Variants in RAC1 observed in about 807,000 individuals in gnomAD.
RAC1 encodes the protein ras-related C3 botulinum toxin substrate 1.
RAC1 carries 2 observed loss-of-function variants against 25.2 expected under a neutral mutation model. The observed-to-expected ratio is 0.08, with a 90% CI of 0.03 to 0.25. RAC1 has a LOEUF of 0.25. RAC1 is among the 10% of genes least tolerant of loss of function. The pLI, the probability that RAC1 is intolerant of heterozygous loss-of-function variation, is 1.00. For synonymous variants in RAC1, 88 were observed against 94.0 expected (o/e 0.94, Z 0.37); for missense variants, 50 against 235.7 (o/e 0.21, Z 5.16).
chr7:6,382,959 G>A (rs563700172), intron 1 of RAC1, among the ~76,000 whole-genome samples: 1 of 152,196 alleles, frequency 6.6e-6, no homozygotes, highest in Non-Finnish European at 1.5e-5. Flanking sequence ...GGACAGGGCA[G>A]GGGAAGCACA....
chr7:6,378,479 G>A (rs956668662), intron 1 of RAC1, among the ~76,000 whole-genome samples: 1 of 152,060 alleles, frequency 6.6e-6, no homozygotes, highest in Non-Finnish European at 1.5e-5. Context: ...CCGGAAGGCG[G>A]AAGTTGCAGT....
chr7:6,391,113 G>T (rs559949096), intron 2 of RAC1, among the ~76,000 whole-genome samples: 1 of 152,114 alleles, frequency 6.6e-6, no homozygotes, highest in Non-Finnish European at 1.5e-5. Flanking sequence ...GGCCAGGCTG[G>T]TCTCGAACTC....
intron 3 of RAC1, 88 bp from the exon 4 acceptor site, chr7:6,400,038 A>G (rs1783352642): frequency 1.7e-6 from 2 of 1,182,586 alleles, no homozygotes; most frequent in Non-Finnish European, 2.5e-6. Flanking sequence ...GCGTCCAACA[A>G]GTCCTTCCCA....
intron 3 of RAC1, chr7:6,399,821 T>A: frequency 2.8e-6 from 1 of 353,526 alleles, no homozygotes; most frequent in Non-Finnish European, 5.1e-6. Flanking sequence ...TTTTTCATTT[T>A]AGATAGTTAG....
At chr7:6,394,512 G>A (rs1207201579) in intron 3 of RAC1, among the ~76,000 whole-genome samples, 1 of 152,072 alleles carries the variant, frequency 6.6e-6, no homozygotes, top group Non-Finnish European at 1.5e-5. Context: ...GTGAGTGGGA[G>A]CCTAAGTGAC....
At chr7:6,376,595 G>T (rs1223059071) in intron 1 of RAC1, among the ~76,000 whole-genome samples, 1 of 147,778 alleles carries the variant, frequency 6.8e-6, no homozygotes, top group Non-Finnish European at 1.5e-5. Context: ...TCTGCCTCCC[G>T]GGTTCAAGCG....
chr7:6,384,856 C>G (rs1463636383), intron 1 of RAC1, among the ~76,000 whole-genome samples: 1 of 152,118 alleles, frequency 6.6e-6, no homozygotes, highest in Non-Finnish European at 1.5e-5. Flanking sequence ...AGACTGGATG[C>G]ACTGGTGCAA....
chr7:6,402,233 C>G, intron 5 of RAC1, 83 bp from the exon 6 acceptor site: 1 of 1,521,582 alleles, frequency 6.6e-7, no homozygotes, highest in East Asian at 2.3e-5. Context: ...GCGCCCGGGC[C>G]CCAGGAGCTG....
chr7:6,379,426 C>T (rs1296454024), intron 1 of RAC1, among the ~76,000 whole-genome samples: 9 of 151,992 alleles, frequency 5.9e-5, no homozygotes, highest in African/African-American at 2.2e-4. Context: ...AGTCACGCTC[C>T]ACCACACTGA....
chr7:6,389,397 T>G (rs1783020305), intron 2 of RAC1, among the ~76,000 whole-genome samples: 1 of 150,040 alleles, frequency 6.7e-6, no homozygotes, highest in African/African-American at 2.5e-5. Flanking sequence ...TTTTTTTTTT[T>G]TAATTAAAAA....
intron 3 of RAC1, among the ~76,000 whole-genome samples, chr7:6,398,036 G>A (rs1052833420): frequency 6.6e-6 from 1 of 152,198 alleles, no homozygotes; most frequent in Admixed American, 6.5e-5. Context: ...CTACAAAGTA[G>A]CCCAGAATTG....
intron 1 of RAC1, among the ~76,000 whole-genome samples, chr7:6,379,732 A>ATTTT (rs1782712268): frequency 6.6e-6 from 1 of 151,882 alleles, no homozygotes; most frequent in Non-Finnish European, 1.5e-5. Context: ...TTATTATTTT[A>ATTTT]TTTTTTATTT....
At chr7:6,382,731 G>C (rs1284134368) in intron 1 of RAC1, among the ~76,000 whole-genome samples, 1 of 152,278 alleles carries the variant, frequency 6.6e-6, no homozygotes, top group African/African-American at 2.4e-5. Flanking sequence ...AAATTAGCTG[G>C]ATGTGGTGGT....
At chr7:6,395,471 G>A (rs1048370288) in intron 3 of RAC1, among the ~76,000 whole-genome samples, 2 of 152,308 alleles carry the variant, frequency 1.3e-5, no homozygotes, top group South Asian at 4.1e-4. Flanking sequence ...AGGGAAACAC[G>A]CACCTGGGGA....
At chr7:6,402,295 G>A (rs760199189) in intron 5 of RAC1, 21 bp from the exon 6 acceptor site, 16 of 1,591,186 alleles carry the variant, frequency 1.0e-5, no homozygotes, top group South Asian at 5.7e-5. Flanking sequence ...GTACATTGCC[G>A]TGTGGTCGTG....
At chr7:6,375,982 A>C (rs34762204) in intron 1 of RAC1, 22,291 of 152,018 alleles carry the variant, frequency 0.15, 1,858 homozygotes, top group Admixed American at 0.22. Context: ...TACATGTTGC[A>C]GTAAAGTCCA....
At chr7:6,400,589 G>A (rs1187568543) in intron 4 of RAC1, among the ~76,000 whole-genome samples, 1 of 152,180 alleles carries the variant, frequency 6.6e-6, no homozygotes, top group African/African-American at 2.4e-5. Context: ...GCCTCCCAAA[G>A]TGGTGGGATT....
At chr7:6,383,355 G>C (rs147178940) in intron 1 of RAC1, among the ~76,000 whole-genome samples, 25 of 152,204 alleles carry the variant, frequency 1.6e-4, no homozygotes, top group Non-Finnish European at 2.8e-4. Flanking sequence ...AATAAATTAA[G>C]TAAAAGTTTT....
chr7:6,377,430 C>T (rs1003759797), intron 1 of RAC1, among the ~76,000 whole-genome samples: 6 of 151,802 alleles, frequency 4.0e-5, no homozygotes, highest in South Asian at 2.1e-4. Flanking sequence ...CCTGTCTCTG[C>T]TAAAAATACA....
Sources: gnomAD v4.1 joint callset for allele counts (sites outside exome capture counted in the v4.1 genomes callset) on GRCh38, gnomAD v4.1.1 for gene constraint, MANE v1.5 for transcripts, NCBI Gene and HGNC (gene_info 2026-07-23, HGNC 2026-07-21) for gene names.